CTSC: variants seen among roughly 807,000 people sequenced by gnomAD.
CTSC encodes the protein dipeptidyl peptidase 1.
A neutral mutation model predicts 40.9 loss-of-function variants in CTSC; 37 were observed. The ratio of observed to expected loss-of-function variants is 0.91; its 90% CI spans 0.70 to 1.19. The LOEUF is 1.19. CTSC is among the 50% of genes most tolerant of loss of function. The pLI is 0.00. For missense variants in CTSC, 594 were observed against 567.3 expected, an observed-to-expected ratio of 1.05 and a Z score of -0.48; for synonymous variants, 232 against 207.4, an observed-to-expected ratio of 1.12 and a Z score of -1.02.
intron 5 of CTSC, chr11:88,296,662 C>G (rs2134766426): frequency 3.2e-6 from 1 of 310,616 alleles, no homozygotes; most frequent in African/African-American, 2.2e-5. Context: ...GCTGAGCTTT[C>G]AAATATCTCT....
At position 88,337,645 on chromosome 11, in the gene CTSC, C is replaced by G; in HGVS notation, c.28G>C (p.Ala10Pro). The G allele has an allele frequency of 6.3e-7, 1 of 1,583,382 alleles. No homozygotes were observed. Among genetic ancestry groups the G allele is most frequent in the Non-Finnish European group, 8.6e-7 (1 of 1,164,254 alleles). MGAGPSLLL[A>P]ALLLLLSGDG... The stretch of plus-strand genomic sequence containing the variant: ...CCGGAGAGAAGCAGCAGGAGGGCGG[C>G]GAGCAGCAAGGAGGGCCCAGCACCC... The change falls in exon 1 of 7, where the codon GCC becomes CCC. Residue 10 changes from alanine to proline, a missense_variant. Coordinates refer to ENST00000227266, the MANE Select transcript of CTSC (RefSeq NM_001814.6).
Position 88,317,124 on chromosome 11 carries a change from G to A in CTSC, c.319-4570C>T, listed in dbSNP as rs367677985. Among the ~76,000 whole-genome samples, 77 of 152,206 alleles carry A rather than the reference G, an allele frequency of 5.1e-4. No individual in the cohort carries two copies. The South Asian group carries it at 0.015, about 29-fold the overall frequency. ...TGGGATTACAGGCATGCGTCACCAC[G>A]CCCGGCTAATTTTTGTATTTTTAGT... On this transcript the variant is annotated intron_variant, in intron 2 of 6. Transcript: ENST00000227266.
intron 2 of CTSC, chr11:88,325,842 G>C: frequency 2.0e-6 from 2 of 986,642 alleles, no homozygotes; most frequent in Non-Finnish European, 2.4e-6. Flanking sequence ...TCCTCCATAG[G>C]ACCATCTTCC....
intron 4 of CTSC, among the ~76,000 whole-genome samples, chr11:88,306,769 T>C (rs750649279): frequency 6.6e-6 from 1 of 152,226 alleles, no homozygotes; most frequent in African/African-American, 2.4e-5. Flanking sequence ...GGCTGTCACA[T>C]TGGACCCCTG....
chr11:88,295,028 T>A (rs572491632), intron 6 of CTSC, among the ~76,000 whole-genome samples: 2 of 152,316 alleles, frequency 1.3e-5, no homozygotes, highest in East Asian at 3.9e-4. Context: ...CTGGCCCTAT[T>A]ATATATATTA....
At chr11:88,337,363 A>G (rs1938527044) in intron 1 of CTSC, 138 bp downstream of exon 1, 2 of 874,944 alleles carry the variant, frequency 2.3e-6, no homozygotes, top group Non-Finnish European at 3.7e-6. Context: ...AAGGTCCCCA[A>G]GGGTCCCCGA....
In CTSC at chr11:88,310,695, G is replaced by A. The variant is rs376307924; in HGVS notation, c.486-1377C>T. 3.7e-4 allele frequency among the ~76,000 whole-genome samples: 57 copies of A among 152,254 alleles called. No individual in the cohort carries two copies. The South Asian group carries it at 0.01, about 28-fold the overall frequency. ...TGTTGCAAAGTGTGAAAAACCCAGAGACGTACCCTTATCAAGCAGATTATA... is the reference window on the plus strand; with the variant it reads ...TGTTGCAAAGTGTGAAAAACCCAGAAACGTACCCTTATCAAGCAGATTATA... On this transcript the variant is annotated intron_variant, in intron 3 of 6. Transcript: ENST00000227266.
chr11:88,321,905 T>C (rs1938024499), intron 2 of CTSC: 2 of 152,216 alleles, frequency 1.3e-5, no homozygotes, highest in East Asian at 1.9e-4. Context: ...TTCTTATTTC[T>C]CTACAACCTC....
In CTSC at chr11:88,296,449, T is replaced by C. The variant is rs217108; in HGVS notation, c.758-185A>G. 172,118 of 643,504 alleles carry C rather than the reference T, an allele frequency of 0.27. 24,881 individuals carry two copies. The highest frequency in any genetic ancestry group is 0.4 in the East Asian group (12,444 of 30,916). 39.9% of individuals were successfully genotyped at this position (643,504 alleles called of 1,614,324 possible). On this transcript the variant is annotated intron_variant, in intron 5 of 6. Coordinates refer to ENST00000227266, the MANE Select transcript of CTSC (RefSeq NM_001814.6). The stretch of plus-strand genomic sequence containing the variant: ...GCTTATTAAGGCAATCATTAAGATT[T>C]CATCCTTTTTCATCAAAAGGCAAAC...
At chr11:88,325,700 A>T in intron 2 of CTSC, 6 of 985,376 alleles carry the variant, frequency 6.1e-6, no homozygotes, top group Non-Finnish European at 7.2e-6. Context: ...ATGAAAAAAG[A>T]AAAGAAAAAA....
At chr11:88,314,557 T>G (rs1287415071) in intron 2 of CTSC, among the ~76,000 whole-genome samples, 1 of 152,150 alleles carries the variant, frequency 6.6e-6, no homozygotes, top group African/African-American at 2.4e-5. Flanking sequence ...AGACAGAGTC[T>G]CACTCTGTTG....
In CTSC at chr11:88,320,171, A is replaced by G. The variant is rs1591234770; in HGVS notation, c.319-7617T>C. ...TGTAATAAAATGCAAAACTGCCAGG[A>G]AATAGTTACAGTGGTTACAGCCAAG... On this transcript the variant is annotated intron_variant, in intron 2 of 6. Coordinates refer to ENST00000227266, the MANE Select transcript of CTSC (RefSeq NM_001814.6). Among the ~76,000 whole-genome samples the G allele has an allele frequency of 2.6e-5, 4 of 152,360 alleles. No homozygotes were observed. In the South Asian group the frequency reaches 8.3e-4, roughly 32 times the overall value.
chr11:88,303,499 TG>T (rs2134775572), intron 4 of CTSC, among the ~76,000 whole-genome samples: 1 of 152,340 alleles, frequency 6.6e-6, no homozygotes, highest in East Asian at 1.9e-4. Context: ...TAATGTTTAG[TG>T]GTTTATTATA....
At chr11:88,321,152 T>A in intron 2 of CTSC, 1 of 526,978 alleles carries the variant, frequency 1.9e-6, no homozygotes, top group South Asian at 8.3e-5. Context: ...TATTTTAAAT[T>A]TTTTAAGTTC....
intron 2 of CTSC, chr11:88,321,699 T>C (rs1938018220): frequency 6.6e-6 from 1 of 152,248 alleles, no homozygotes; most frequent in South Asian, 2.1e-4. Flanking sequence ...GCATTTGGGT[T>C]GATTCCATGT....
chr11:88,333,389 T>G (rs1018026995), intron 2 of CTSC, among the ~76,000 whole-genome samples: 3 of 152,210 alleles, frequency 2.0e-5, no homozygotes, highest in African/African-American at 7.2e-5. Flanking sequence ...TGACTAGGTG[T>G]CTATTGTGTG....
rs587777534 is a variant in CTSC, at chr11:88,296,207, C to G, written c.815G>C (p.Arg272Pro). Residue 272 changes from arginine to proline, a missense_variant, in exon 6 of 7, where the codon CGT (arginine) becomes CCT (proline). Coordinates refer to ENST00000227266, the MANE Select transcript of CTSC (RefSeq NM_001814.6). Reference protein sequence around the residue: ...ASMGMLEARIRILTNNSQTPI... With the variant: ...ASMGMLEARIPILTNNSQTPI... ...GGTCTGAGAATTGTTGGTTAGTATA[C>G]GGATTCTCGCTTCTAGCATACCCAT... 74 of 1,613,820 alleles carry G rather than the reference C, an allele frequency of 4.6e-5. No individual in the cohort carries two copies. Among genetic ancestry groups the G allele is most frequent in the South Asian group, 8.8e-5 (8 of 91,078 alleles).
At chr11:88,312,072 C>A (rs1937774267) in intron 3 of CTSC, among the ~76,000 whole-genome samples, 1 of 152,164 alleles carries the variant, frequency 6.6e-6, no homozygotes, top group African/African-American at 2.4e-5. Flanking sequence ...ACATACGTAT[C>A]TACTTGTATC....
intron 4 of CTSC, among the ~76,000 whole-genome samples, chr11:88,302,133 A>G (rs1216755683): frequency 6.6e-6 from 1 of 152,144 alleles, no homozygotes; most frequent in East Asian, 1.9e-4. Flanking sequence ...TTGTTACTAT[A>G]AACTATTTGA....
Sources: allele counts gnomAD v4.1 joint callset (sites outside exome capture counted in the v4.1 genomes callset), GRCh38; gene constraint gnomAD v4.1.1; transcripts MANE v1.5; gene names NCBI Gene and HGNC (gene_info 2026-07-23, HGNC 2026-07-21).